TBXA2R: variants seen among roughly 807,000 people sequenced by gnomAD.
TBXA2R encodes the protein prostanoid TP receptor.
Under a neutral mutation model 15.6 loss-of-function variants are expected in TBXA2R, and 15 were observed. That is an observed-to-expected ratio of 0.96 (90% CI 0.64 to 1.48). The LOEUF is 1.48. Among genes scored for constraint, TBXA2R ranks in the 40% most tolerant of loss-of-function variants. The probability of loss-of-function intolerance (pLI) is 0.00; values close to 1 mark genes in which losing one functional copy is unlikely to be tolerated. For missense variants in TBXA2R, 506 were observed against 491.4 expected, an observed-to-expected ratio of 1.03 and a Z score of -0.28; for synonymous variants, 280 against 241.2, an observed-to-expected ratio of 1.16 and a Z score of -1.49.
intron 1 of TBXA2R, among the ~76,000 whole-genome samples, chr19:3,601,011 C>T (rs1302814253): frequency 2.0e-5 from 3 of 151,682 alleles, no homozygotes; most frequent in Non-Finnish European, 4.4e-5. Context: ...GCCTCGGCCT[C>T]CCAAAGTGCT....
At position 3,600,406 on chromosome 19, in the gene TBXA2R, C is replaced by G. The variant is rs1246339994; in HGVS notation, c.229G>C (p.Gly77Arg). Residue 77 changes from glycine (G) to arginine (R), a missense_variant, in exon 2 of 3, where the codon GGG (glycine) becomes CGG (arginine). Transcript: ENST00000375190. ...LCGLVLTDFL[G>R]LLVTGTIVVS... is the part of the protein sequence containing the mutation. ...ACGATGGTACCGGTCACCAGCAGCC[C>G]CAGGAAGTCGGTGAGGACGAGGCCG... 1 of 1,613,338 alleles carries G rather than the reference C, an allele frequency of 6.2e-7. No individual in the cohort carries two copies. Among genetic ancestry groups the G allele is most frequent in the East Asian group, 2.2e-5 (1 of 44,868 alleles).
intron 1 of TBXA2R, among the ~76,000 whole-genome samples, chr19:3,606,108 C>T (rs995647685): frequency 1.2e-4 from 19 of 152,086 alleles, no homozygotes; most frequent in Non-Finnish European, 8.8e-5. Context: ...CCACCACACA[C>T]GCACAGACAC....
At position 3,596,121 on chromosome 19, in the gene TBXA2R, C is replaced by T. The variant is rs761309946; in HGVS notation, c.787-188G>A. Among the ~76,000 whole-genome samples, 14 of 152,250 alleles carry T rather than the reference C, an allele frequency of 9.2e-5. No homozygotes were observed. The East Asian group carries it at 2.3e-3, about 25-fold the overall frequency. ...TCAGCTCATTGCAACCTCTGCCTCCCGGGTTCAAGCAATTCTCCTCCCTCA... is the reference window on the plus strand; with the variant it reads ...TCAGCTCATTGCAACCTCTGCCTCCTGGGTTCAAGCAATTCTCCTCCCTCA... On this transcript the variant is annotated intron_variant, in intron 2 of 2. Coordinates refer to ENST00000375190, the MANE Select transcript of TBXA2R (RefSeq NM_001060.6).
chr19:3,594,839 A>G lies in TBXA2R; in HGVS notation c.*849T>C, dbSNP rs1052547676. ...AAGGGGGTGCCCCCGTTCACATTCAATCCTTTCTGGACAGAGCCTTCCCTG... is the reference window on the plus strand; with the variant it reads ...AAGGGGGTGCCCCCGTTCACATTCAGTCCTTTCTGGACAGAGCCTTCCCTG... On this transcript the variant is annotated 3_prime_UTR_variant, in exon 3 of 3. Transcript: ENST00000375190. 2 of 1,536,294 alleles carry G rather than the reference A, an allele frequency of 1.3e-6. No homozygotes were observed. The highest frequency in any genetic ancestry group is 2.4e-5 in the South Asian group (2 of 84,020).
At chr19:3,601,351 A>G (rs544022556) in intron 1 of TBXA2R, among the ~76,000 whole-genome samples, 2 of 142,960 alleles carry the variant, frequency 1.4e-5, no homozygotes, top group Non-Finnish European at 3.0e-5. Flanking sequence ...CAACATAGCG[A>G]GACCCTATCT....
chr19:3,600,953 C>T (rs1190334065), intron 1 of TBXA2R, among the ~76,000 whole-genome samples: 1 of 151,404 alleles, frequency 6.6e-6, no homozygotes, highest in Non-Finnish European at 1.5e-5. Flanking sequence ...CTCAGCCTCC[C>T]AAATAGCTGG....
In TBXA2R at chr19:3,595,042, T is replaced by A. The variant is rs1312051243; in HGVS notation, c.*646A>T. 1.1e-5 allele frequency: 12 copies of A among 1,047,820 alleles called. No homozygotes were observed. The Admixed American group carries it at 2.3e-4, about 20-fold the overall frequency. The allele number at this position is 1,047,820 out of a possible 1,614,324, so 64.9% of individuals were successfully genotyped here. A position where few individuals can be genotyped will look rare whatever the true frequency, so the allele number is the denominator to read the frequency against. On this transcript the variant is annotated 3_prime_UTR_variant, in exon 3 of 3. Transcript: ENST00000375190. The stretch of plus-strand genomic sequence containing the variant: ...TTGCAGTGAGCCGAGATCGTGCCAC[T>A]GTACTCCAGGCTGGGCCACAGAGTG...
chr19:3,598,608 T>C (rs2032649254), intron 2 of TBXA2R, among the ~76,000 whole-genome samples: 1 of 151,940 alleles, frequency 6.6e-6, no homozygotes, highest in Non-Finnish European at 1.5e-5. Context: ...TGTCTCGGCC[T>C]CTCAAAGCGC....
chr19:3,596,061 C>T (rs1360490135), intron 2 of TBXA2R, 128 bp from the exon 3 acceptor site: 5 of 1,226,660 alleles, frequency 4.1e-6, no homozygotes, highest in African/African-American at 3.0e-5. Flanking sequence ...CAGGGTCTCA[C>T]TCTGTCGTCC....
At chr19:3,597,706 G>A (rs1473524169) in intron 2 of TBXA2R, among the ~76,000 whole-genome samples, 1 of 152,044 alleles carries the variant, frequency 6.6e-6, no homozygotes, top group Non-Finnish European at 1.5e-5. Context: ...GCTGAAGCGG[G>A]CAGATCACGA....
intron 1 of TBXA2R, 80 bp from the exon 2 acceptor site, chr19:3,600,797 T>A: frequency 4.5e-6 from 3 of 666,036 alleles, no homozygotes; most frequent in East Asian, 2.8e-5. Context: ...TACACAACCT[T>A]CAATGCCCCA....
Position 3,594,659 on chromosome 19 carries a change from T to TG in TBXA2R, c.*1028dup. On this transcript the variant is annotated 3_prime_UTR_variant, in exon 3 of 3. Coordinates refer to ENST00000375190, the MANE Select transcript of TBXA2R (RefSeq NM_001060.6). ...ATTAGGAAACACTCAAGAAACAAGG[T>TG]GGGGGAGGAACCGAATCCTCTATGT... The TG allele has an allele frequency of 1.9e-6, 1 of 538,538 alleles. No individual in the cohort carries two copies. Among genetic ancestry groups the TG allele is most frequent in the Admixed American group, 3.2e-5 (1 of 31,276 alleles). 33.4% of individuals were successfully genotyped at this position (538,538 alleles called of 1,614,324 possible). A position where few individuals can be genotyped will look rare whatever the true frequency, so the allele number is the denominator to read the frequency against.
intron 1 of TBXA2R, among the ~76,000 whole-genome samples, chr19:3,603,998 C>A (rs1210275223): frequency 6.6e-6 from 1 of 152,100 alleles, no homozygotes; most frequent in Non-Finnish European, 1.5e-5. Flanking sequence ...AGGTGTGGAC[C>A]CAAGATCGCT....
At chr19:3,599,262 C>T (rs1421839136) in intron 2 of TBXA2R, among the ~76,000 whole-genome samples, 3 of 152,030 alleles carry the variant, frequency 2.0e-5, no homozygotes, top group Non-Finnish European at 4.4e-5. Flanking sequence ...TCCAGCAATC[C>T]TCCTGCCTTG....
At chr19:3,603,479 T>G (rs2032776264) in intron 1 of TBXA2R, among the ~76,000 whole-genome samples, 1 of 152,196 alleles carries the variant, frequency 6.6e-6, no homozygotes, top group Non-Finnish European at 1.5e-5. Flanking sequence ...ATTCCTGCAC[T>G]GGGATTTCCC....
chr19:3,600,030 A>C lies in TBXA2R; in HGVS notation c.605T>G (p.Met202Arg). 1.9e-6 allele frequency: 3 copies of C among 1,612,494 alleles called. No individual in the cohort carries two copies. Among genetic ancestry groups the C allele is most frequent in the Non-Finnish European group, 2.5e-6 (3 of 1,179,670 alleles). The change falls in exon 2 of 3, where the codon ATG becomes AGG. Residue 202 changes from methionine (M) to arginine (R), a missense_variant. Coordinates refer to ENST00000375190, the MANE Select transcript of TBXA2R (RefSeq NM_001060.6). Reference protein sequence around the residue: ...GDVAFGLLFSMLGGLSVGLSF... With the variant: ...GDVAFGLLFSRLGGLSVGLSF... ...CAGCCCGACCGAGAGGCCGCCCAGC[A>C]TGGAGAAGAGCAGCCCGAAGGCCAC...
chr19:3,604,397 C>T (rs2032792570), intron 1 of TBXA2R, among the ~76,000 whole-genome samples: 1 of 150,912 alleles, frequency 6.6e-6, no homozygotes, highest in Admixed American at 6.6e-5. Flanking sequence ...CCTGGCTGCC[C>T]CAAGCCTGGT....
Position 3,600,332 on chromosome 19 carries a change from G to A in TBXA2R, c.303C>T (p.Gly101=), listed in dbSNP as rs776840969. 5 of 1,613,142 alleles carry A rather than the reference G, an allele frequency of 3.1e-6. No individual in the cohort carries two copies. Among genetic ancestry groups the A allele is most frequent in the Non-Finnish European group, 2.5e-6 (3 of 1,179,854 alleles). ...CGCCCATGAAGCGACAGAGACGGCA[G>A]CCAGGGTCCACGGCGTGCCACTCGA... is the stretch of plus-strand genomic sequence containing the variant. The part of the protein sequence containing the change: ...ALFEWHAVDP[G]CRLCRFMGVV... Residue 101 remains glycine (G), a synonymous_variant, in exon 2 of 3, where the codon GGC becomes GGT. Transcript: ENST00000375190.
Position 3,599,896 on chromosome 19 carries a change from G to C in TBXA2R, c.739C>G (p.Leu247Val). The change falls in exon 2 of 3, where the codon CTC (leucine) becomes GTC (valine). Residue 247 changes from leucine to valine, a missense_variant. Physicochemically the swap from Leu to Val is conservative, Grantham distance 32. Coordinates refer to ENST00000375190, the MANE Select transcript of TBXA2R (RefSeq NM_001060.6). ...CTGGCCACCACCATGATCCCCAGGA[G>C]CTGAGCCATCATCTCCACCTCGGAG... ...RDSEVEMMAQ[L>V]LGIMVVASVC... The C allele has an allele frequency of 6.5e-7, 1 of 1,549,416 alleles. No individual in the cohort carries two copies. Among genetic ancestry groups the C allele is most frequent in the Non-Finnish European group, 8.7e-7 (1 of 1,147,062 alleles).
Sources: gnomAD v4.1 joint callset for allele counts (sites outside exome capture counted in the v4.1 genomes callset) on GRCh38, gnomAD v4.1.1 for gene constraint, MANE v1.5 for transcripts, NCBI Gene and HGNC (gene_info 2026-07-23, HGNC 2026-07-21) for gene names.